The following EBF3 variants were observed in gnomAD, a reference collection of about 807,000 sequenced individuals.
EBF3 encodes the protein transcription factor COE3.
In EBF3, 18 loss-of-function variants were observed where a neutral mutation model predicts 77.1. The observed-to-expected ratio is 0.23, with a 90% CI of 0.16 to 0.35. The LOEUF (loss-of-function observed/expected upper bound fraction) is 0.35, where lower values mean the gene tolerates loss of function less well. Ranked by LOEUF, EBF3 falls within the 10% of genes least tolerant of loss-of-function variation. EBF3 has a pLI of 1.00. For missense variants in EBF3, 558 were observed against 860.0 expected (o/e 0.65, Z 4.39); for synonymous variants, 350 against 343.5 (o/e 1.02, Z -0.21).
chr10:129,926,441 G>A (rs750354123), intron 6 of EBF3, among the ~76,000 whole-genome samples: 4 of 152,162 alleles, frequency 2.6e-5, no homozygotes, highest in Non-Finnish European at 4.4e-5. Context: ...GACAGGTGGA[G>A]CTGGCACCAC....
At chr10:129,956,778 G>A (rs1051571304) in intron 6 of EBF3, among the ~76,000 whole-genome samples, 11 of 152,006 alleles carry the variant, frequency 7.2e-5, no homozygotes, top group Admixed American at 5.9e-4. Context: ...AGCTACAATT[G>A]GAAAAAAATT....
chr10:129,905,046 T>C (rs1855044218), intron 6 of EBF3, among the ~76,000 whole-genome samples: 2 of 152,256 alleles, frequency 1.3e-5, no homozygotes, highest in South Asian at 4.1e-4. Flanking sequence ...AGGGATGAGT[T>C]CGTCCCACTA....
rs1851829585 is a variant in EBF3, at chr10:129,864,128, T to G, written c.1039+3013A>C. Among the ~76,000 whole-genome samples, 1 of 151,944 alleles carries G rather than the reference T, an allele frequency of 6.6e-6. No homozygotes were observed. ...ACTAAGGGGTCCACTGGTCCCTTAGTAGGAGGATATGAGACCTGGAGAGGA... is the reference window on the plus strand; with the variant it reads ...ACTAAGGGGTCCACTGGTCCCTTAGGAGGAGGATATGAGACCTGGAGAGGA... On this transcript the variant is annotated intron_variant, in intron 10 of 16. Transcript: ENST00000440978. This position sits in a 1 kb window ranked among gnomAD's most constrained non-coding sequence, Gnocchi z 4.4.
At chr10:129,930,826 A>G (rs1373935584) in intron 6 of EBF3, among the ~76,000 whole-genome samples, 1 of 144,872 alleles carries the variant, frequency 6.9e-6, no homozygotes, top group Non-Finnish European at 1.5e-5. Context: ...CCTCTCATAT[A>G]TCTATATCTG....
At chr10:129,957,608 G>A (rs1859142752) in intron 5 of EBF3, among the ~76,000 whole-genome samples, 1 of 152,186 alleles carries the variant, frequency 6.6e-6, no homozygotes, top group African/African-American at 2.4e-5. Context: ...TGTTGTCGGT[G>A]TTTGTCTTTG....
intron 6 of EBF3, among the ~76,000 whole-genome samples, chr10:129,949,983 A>G (rs1858534925): frequency 7.0e-6 from 1 of 143,762 alleles, no homozygotes; most frequent in Non-Finnish European, 1.5e-5. Flanking sequence ...GACAGAGGAA[A>G]ATATAGGCAG....
chr10:129,921,276 G>A (rs1442548614), intron 6 of EBF3, among the ~76,000 whole-genome samples: 1 of 152,114 alleles, frequency 6.6e-6, no homozygotes, highest in Non-Finnish European at 1.5e-5. Context: ...CTGCAGTGGG[G>A]CCATCCTGGG....
intron 6 of EBF3, among the ~76,000 whole-genome samples, chr10:129,941,581 GC>G (rs555654033): frequency 2.6e-3 from 398 of 152,290 alleles, no homozygotes; most frequent in Non-Finnish European, 5.0e-3. Context: ...TCAGGGGGGA[GC>G]CCTCCAGGCC....
intron 6 of EBF3, among the ~76,000 whole-genome samples, chr10:129,945,448 G>A (rs977522174): frequency 2.0e-5 from 3 of 152,188 alleles, no homozygotes; most frequent in Non-Finnish European, 2.9e-5. Flanking sequence ...TGATCAGAGG[G>A]CTCTGTAAAT....
intron 6 of EBF3, among the ~76,000 whole-genome samples, chr10:129,896,117 G>C (rs984377523): frequency 6.8e-6 from 1 of 147,006 alleles, no homozygotes. Context: ...CACAGGACAT[G>C]ATCAAGAAGC....
Position 129,837,800 on chromosome 10 carries a change from T to C in EBF3, c.*143A>G, listed in dbSNP as rs762911475. 6 of 1,069,160 alleles carry C rather than the reference T, an allele frequency of 5.6e-6. No individual in the cohort carries two copies. Among genetic ancestry groups the C allele is most frequent in the Admixed American group, 4.4e-5 (2 of 45,594 alleles). The allele number at this position is 1,069,160 out of a possible 1,614,324, so 66.2% of individuals were successfully genotyped here. On this transcript the variant is annotated 3_prime_UTR_variant, in exon 17 of 17. Coordinates refer to ENST00000440978, the MANE Select transcript of EBF3 (RefSeq NM_001375380.1). ...AAATAAAATCTTTAAACAAAGTCTT[T>C]TGTAGCATTTCAATTGCTGCTGATT...
Position 129,848,506 on chromosome 10 carries a change from T to A in EBF3, c.1040-26A>T, listed in dbSNP as rs528392383. The stretch of plus-strand genomic sequence containing the variant: ...CTGCAACAGGACACAGAAATGTAGA[T>A]CAGGTTAATTACTTTTATGTCATCC... On this transcript the variant is annotated intron_variant, in intron 10 of 16. Transcript: ENST00000440978. The surrounding 1 kb of genome is among the most constrained non-coding windows in gnomAD (Gnocchi z 4.4). The A allele has an allele frequency of 1.9e-6, 3 of 1,609,944 alleles. No homozygotes were observed. The South Asian group carries it at 3.3e-5, about 18-fold the overall frequency.
Position 129,963,141 on chromosome 10 carries a change from C to A in EBF3, c.292-136G>T, listed in dbSNP as rs1055178207. 1.1e-5 allele frequency: 14 copies of A among 1,255,328 alleles called. No individual in the cohort carries two copies. In the East Asian group the frequency reaches 2.6e-4, roughly 23 times the overall value. 77.8% of individuals were successfully genotyped at this position (1,255,328 alleles called of 1,614,324 possible). On this transcript the variant is annotated intron_variant, in intron 2 of 16. Coordinates refer to ENST00000440978, the MANE Select transcript of EBF3 (RefSeq NM_001375380.1). The surrounding 1 kb of genome is among the most constrained non-coding windows in gnomAD (Gnocchi z 7.1). Reference sequence around the variant, plus strand: ...CTAGCTCGAAGCAGCGCGGTGATGTCACTTTCCTGCTGGAAGCCCAGCGTT... The same window carrying A: ...CTAGCTCGAAGCAGCGCGGTGATGTAACTTTCCTGCTGGAAGCCCAGCGTT...
At position 129,908,191 on chromosome 10, in the gene EBF3, C is replaced by T. The variant is rs981718178; in HGVS notation, c.555-30342G>A. ...TGGTGCAGAAGTGATCATTCAAAAA[C>T]CCAAAGCACATATTTTATACCGCCT... On this transcript the variant is annotated intron_variant, in intron 6 of 16. Transcript: ENST00000440978. 2.0e-5 allele frequency among the ~76,000 whole-genome samples: 3 copies of T among 152,166 alleles called. No homozygotes were observed. The East Asian group carries it at 5.8e-4, about 29-fold the overall frequency.
At chr10:129,930,242 C>G (rs537492624) in intron 6 of EBF3, among the ~76,000 whole-genome samples, 4 of 152,316 alleles carry the variant, frequency 2.6e-5, no homozygotes, top group African/African-American at 9.6e-5. Flanking sequence ...CCCAGGGTCT[C>G]CAGCTTGCAG....
At chr10:129,850,249 T>C (rs1168852039) in intron 10 of EBF3, among the ~76,000 whole-genome samples, 1 of 152,240 alleles carries the variant, frequency 6.6e-6, no homozygotes, top group Non-Finnish European at 1.5e-5. Context: ...GCGGCCATTA[T>C]TGATTTCATG....
intron 10 of EBF3, among the ~76,000 whole-genome samples, chr10:129,859,271 G>C (rs924334511): frequency 6.6e-6 from 1 of 152,134 alleles, no homozygotes; most frequent in Non-Finnish European, 1.5e-5. Context: ...GCTCAGGCTG[G>C]AGTGTGGTGG....
At position 129,839,132 on chromosome 10, in the gene EBF3, C is replaced by T. The variant is rs1270307107; in HGVS notation, c.1823G>A (p.Gly608Asp). 7.7e-7 allele frequency: 1 copy of T among 1,304,514 alleles called. No homozygotes were observed. The highest frequency in any genetic ancestry group is 2.3e-5 in the Admixed American group (1 of 43,582). The allele number at this position is 1,304,514 out of a possible 1,614,324, so 80.8% of individuals were successfully genotyped here. Residue 608 changes from glycine (G) to aspartate (D), a missense_variant, in exon 16 of 17, where the codon GGT becomes GAT. By Grantham distance (94) the Gly-to-Asp change is moderately conservative. This residue lies in a region of EBF3 where 284 missense variants were observed against 368.3 expected (regional missense o/e 0.77). Transcript: ENST00000440978. Reference sequence around the variant, plus strand: ...TAGTTCATCAAAGTGAAATATGCCACCGACTTCACAAAAGGGCCAGTTTGT... The same window carrying T: ...TAGTTCATCAAAGTGAAATATGCCATCGACTTCACAAAAGGGCCAGTTTGT... ...EKTNWPFCEV[G>D]GIFHFDELML... is the part of the protein sequence containing the mutation.
At chr10:129,925,634 G>A (rs1346559343) in intron 6 of EBF3, among the ~76,000 whole-genome samples, 1 of 151,042 alleles carries the variant, frequency 6.6e-6, no homozygotes, top group Non-Finnish European at 1.5e-5. Context: ...GTAATGGTGT[G>A]ATGCTTACAC....
Sources: gnomAD v4.1 joint callset for allele counts (sites outside exome capture counted in the v4.1 genomes callset) on GRCh38, gnomAD v4.1.1 for gene constraint, gnomAD v4.1.1 regional missense constraint, Gnocchi (gnomAD v3.1) non-coding constraint, MANE v1.5 for transcripts, NCBI Gene and HGNC (gene_info 2026-07-23, HGNC 2026-07-21) for gene names.